The following SNX8 variants were observed in gnomAD, a reference collection of about 807,000 sequenced individuals.
The protein encoded by SNX8 is sorting nexin 8.
Under a neutral mutation model 51.6 loss-of-function variants are expected in SNX8, and 25 were observed. That is an observed-to-expected ratio of 0.48 (90% confidence interval 0.35 to 0.68). The LOEUF is 0.68. Ranked by LOEUF, SNX8 falls within the 30% of genes least tolerant of loss-of-function variation. SNX8 has a pLI of 0.00. For missense variants in SNX8, 695 were observed against 624.0 expected, an observed-to-expected ratio of 1.11 and a Z score of -1.21; for synonymous variants, 324 against 277.0, an observed-to-expected ratio of 1.17 and a Z score of -1.68.
intron 1 of SNX8, among the ~76,000 whole-genome samples, chr7:2,282,402 A>G (rs1434172255): frequency 6.6e-6 from 1 of 152,164 alleles, no homozygotes; most frequent in African/African-American, 2.4e-5. Context: ...AGTCAGGCCC[A>G]AGTCAGCCGC....
At chr7:2,337,528 A>G (rs537524885) in intron 1 of SNX8, among the ~76,000 whole-genome samples, 1 of 152,288 alleles carries the variant, frequency 6.6e-6, no homozygotes, top group Admixed American at 6.6e-5. Flanking sequence ...CTAGCCAAAA[A>G]TCTCCAATGT....
At chr7:2,285,532 G>A (rs1240915058) in intron 1 of SNX8, among the ~76,000 whole-genome samples, 1 of 152,206 alleles carries the variant, frequency 6.6e-6, no homozygotes, top group Non-Finnish European at 1.5e-5. Context: ...CCAGGGAACA[G>A]CAGGAACGCC....
intron 5 of SNX8, among the ~76,000 whole-genome samples, chr7:2,266,869 T>A (rs1795475905): frequency 6.6e-6 from 1 of 152,208 alleles, no homozygotes; most frequent in African/African-American, 2.4e-5. Context: ...AACTACCAAG[T>A]AGCTACCTTA....
At chr7:2,314,800 TG>T (rs1268451947), upstream of SNX8, among the ~76,000 whole-genome samples, 1 of 152,246 alleles carries the variant, frequency 6.6e-6, no homozygotes, top group African/African-American at 2.4e-5. Context: ...CCGGTTACAC[TG>T]GGGTTTTCTG....
chr7:2,306,141 TTTTG>T (rs1796539522), intron 1 of SNX8, among the ~76,000 whole-genome samples: 2 of 151,468 alleles, frequency 1.3e-5, no homozygotes, highest in Non-Finnish European at 2.9e-5. Flanking sequence ...CAAGTCATTT[TTTTG>T]TTTGTTTTTT....
chr7:2,293,450 T>C (rs1796198734), intron 1 of SNX8, among the ~76,000 whole-genome samples: 1 of 150,960 alleles, frequency 6.6e-6, no homozygotes, highest in South Asian at 2.1e-4. Flanking sequence ...GGTCAGGAGA[T>C]CGAGACCACC....
At chr7:2,258,550 C>A (rs1479808994) in intron 7 of SNX8, among the ~76,000 whole-genome samples, 1 of 152,166 alleles carries the variant, frequency 6.6e-6, no homozygotes, top group Non-Finnish European at 1.5e-5. Context: ...GCAAAACGGG[C>A]ACGCCCAGGA....
chr7:2,292,793 G>C (rs1796183972), intron 1 of SNX8, among the ~76,000 whole-genome samples: 1 of 152,132 alleles, frequency 6.6e-6, no homozygotes, highest in Non-Finnish European at 1.5e-5. Flanking sequence ...GTTGAGGTGA[G>C]AGGGTTTCCT....
chr7:2,280,181 A>G (rs1206487274), intron 1 of SNX8, among the ~76,000 whole-genome samples: 2 of 152,234 alleles, frequency 1.3e-5, no homozygotes, highest in Non-Finnish European at 2.9e-5. Flanking sequence ...GTCACCGTGC[A>G]CCCTGCACAA....
In SNX8 at chr7:2,321,688, A is replaced by G. The variant is rs192180583; in HGVS notation, c.-66+32534T>C. On this transcript the variant is annotated intron_variant, in intron 1 of 5. Transcript: ENST00000435336. ...CTCGGCCTCCCAAAGTGCTGGGATT[A>G]CAGCTGTGAGCCACCGCGCCCGGCC... 4.2e-5 allele frequency among the ~76,000 whole-genome samples: 6 copies of G among 144,272 alleles called. No homozygotes were observed. In the East Asian group the frequency reaches 1.2e-3, roughly 29 times the overall value. The allele number at this position is 144,272 out of a possible 152,430, so 94.6% of individuals were successfully genotyped here.
At chr7:2,301,471 C>T (rs559241572) in intron 1 of SNX8, among the ~76,000 whole-genome samples, 1 of 152,346 alleles carries the variant, frequency 6.6e-6, no homozygotes, top group South Asian at 2.1e-4. Context: ...CGCACAGCAG[C>T]AACAGAGGTC....
chr7:2,300,050 G>A (rs542921676), intron 1 of SNX8, among the ~76,000 whole-genome samples: 17 of 152,180 alleles, frequency 1.1e-4, no homozygotes, highest in African/African-American at 4.1e-4. Flanking sequence ...CGCCTCAGAA[G>A]TCAGCAAGAA....
At chr7:2,351,910 T>G (rs1349561373) in intron 1 of SNX8, among the ~76,000 whole-genome samples, 3 of 132,140 alleles carry the variant, frequency 2.3e-5, no homozygotes, top group African/African-American at 8.4e-5. Flanking sequence ...TGTTGGTTTT[T>G]TTTTTTTTTT....
intron 1 of SNX8, among the ~76,000 whole-genome samples, chr7:2,305,505 A>G (rs1190006003): frequency 6.6e-6 from 1 of 151,976 alleles, no homozygotes; most frequent in East Asian, 1.9e-4. Context: ...CTGGGATTAC[A>G]GGCACCCGCC....
At chr7:2,332,903 G>GA (rs954736604) in intron 1 of SNX8, among the ~76,000 whole-genome samples, 1 of 150,942 alleles carries the variant, frequency 6.6e-6, no homozygotes, top group Non-Finnish European at 1.5e-5. Flanking sequence ...AAGAAAGAAA[G>GA]AAAAAAGGGA....
intron 5 of SNX8, among the ~76,000 whole-genome samples, chr7:2,265,866 C>T (rs1374260400): frequency 6.6e-6 from 1 of 152,056 alleles, no homozygotes; most frequent in Non-Finnish European, 1.5e-5. Context: ...AATCCCAGTA[C>T]TTTGGGGGGC....
intron 1 of SNX8, among the ~76,000 whole-genome samples, chr7:2,303,252 C>T (rs1796452517): frequency 6.8e-6 from 1 of 147,168 alleles, no homozygotes; most frequent in Non-Finnish European, 1.5e-5. Context: ...AGCCCCCCGC[C>T]CGGCCAGCCG....
At chr7:2,302,956 G>C (rs1246009366) in intron 1 of SNX8, among the ~76,000 whole-genome samples, 2 of 151,154 alleles carry the variant, frequency 1.3e-5, no homozygotes, top group African/African-American at 4.9e-5. Flanking sequence ...CAGCCACCCC[G>C]TCTGGGAAGT....
chr7:2,288,440 G>A (rs1796082172), intron 1 of SNX8: 1 of 165,996 alleles, frequency 6.0e-6, no homozygotes, highest in Admixed American at 6.6e-5. Flanking sequence ...TTTCTGTCAT[G>A]GATATATTAA....
Sources: gnomAD v4.1 joint callset for allele counts (sites outside exome capture counted in the v4.1 genomes callset) on GRCh38, gnomAD v4.1.1 for gene constraint, MANE v1.5 for transcripts, NCBI Gene and HGNC (gene_info 2026-07-23, HGNC 2026-07-21) for gene names.